The following AMPD3 variants were observed in gnomAD, a reference collection of about 807,000 sequenced individuals.
AMPD3 encodes the protein AMP deaminase 3.
Under a neutral mutation model 82.3 loss-of-function variants are expected in AMPD3, and 57 were observed. That is an observed-to-expected ratio of 0.69 (90% CI 0.56 to 0.86). AMPD3 has a LOEUF of 0.86. Ranked by LOEUF, AMPD3 falls within the 40% of genes least tolerant of loss-of-function variation. AMPD3 has a pLI of 0.00. For synonymous variants in AMPD3, 381 were observed against 394.7 expected (o/e 0.97, Z 0.41); for missense variants, 870 against 1,003.8 (o/e 0.87, Z 1.80).
intron 2 of AMPD3, among the ~76,000 whole-genome samples, chr11:10,473,222 A>ATCGT (rs1317654549): frequency 6.6e-6 from 1 of 152,192 alleles, no homozygotes; most frequent in African/African-American, 2.4e-5. Context: ...GTGAGCTGAG[A>ATCGT]TCGTACCCCT....
rs184660027 is a variant in AMPD3, at chr11:10,464,358, G to A, written c.221+2618G>A. 2.7e-3 allele frequency among the ~76,000 whole-genome samples: 417 copies of A among 152,320 alleles called. 2 individuals carry two copies. The highest frequency in any genetic ancestry group is 3.7e-3 in the Non-Finnish European group (253 of 68,028). On this transcript the variant is annotated intron_variant, in intron 2 of 14. Coordinates refer to ENST00000396553, the MANE Select transcript of AMPD3 (RefSeq NM_001025389.2). The stretch of plus-strand genomic sequence containing the variant: ...GCAGATTAGGGAACGAAGGCTCAGA[G>A]AAGTTGAATTTACTTTCACAAAGAC...
intron 11 of AMPD3, chr11:10,500,786 C>T (rs1849557251): frequency 2.0e-6 from 2 of 985,480 alleles, no homozygotes; most frequent in South Asian, 4.7e-5. Flanking sequence ...GCAGAGGCTC[C>T]TACCAATACG....
At chr11:10,502,173 C>T in intron 12 of AMPD3, 1 of 985,396 alleles carries the variant, frequency 1.0e-6, no homozygotes, top group Non-Finnish European at 1.2e-6. Flanking sequence ...CAAAATGCTC[C>T]CTTTCCCTGA....
In AMPD3 at chr11:10,484,932, C is replaced by T. The variant is rs987924771; in HGVS notation, c.702C>T (p.Asn234=). The T allele has an allele frequency of 1.1e-5, 17 of 1,614,010 alleles. No individual in the cohort carries two copies. Among genetic ancestry groups the T allele is most frequent in the Non-Finnish European group, 1.4e-5 (17 of 1,180,022 alleles). Residue 234 remains asparagine, a synonymous_variant, in exon 5 of 15, where the codon AAC becomes AAT. Transcript: ENST00000396553. ...GGGGCATCCTCTTTGTGTATGATAA[C>T]AAGAAGATGCTGGAGCACCAGGAGC... ...MQGGILFVYD[N]KKMLEHQEPH...
At chr11:10,477,458 G>C (rs1591458995) in intron 2 of AMPD3, among the ~76,000 whole-genome samples, 1 of 152,160 alleles carries the variant, frequency 6.6e-6, no homozygotes, top group East Asian at 1.9e-4. Context: ...TTAATGCTGG[G>C]TAATTTTTCT....
At position 10,500,072 on chromosome 11, in the gene AMPD3, C is replaced by T. The variant is rs759301174; in HGVS notation, c.1558-14C>T. ...TCCTGCCTTGGCCTGGTGCTCAGGA[C>T]CTCTCCTGCCCAGGTGACGGGGTTT... On this transcript the variant is annotated splice_polypyrimidine_tract_variant and intron_variant, in intron 10 of 14. Transcript: ENST00000396553. 1 of 1,614,148 alleles carries T rather than the reference C, an allele frequency of 6.2e-7. No homozygotes were observed. Among genetic ancestry groups the T allele is most frequent in the African/African-American group, 1.3e-5 (1 of 75,038 alleles).
At chr11:10,488,134 T>C (rs909350833) in intron 6 of AMPD3, 15 of 847,076 alleles carry the variant, frequency 1.8e-5, no homozygotes, top group Non-Finnish European at 1.8e-5. Context: ...ACCAAGGGGA[T>C]GGCAGCCTTG....
intron 6 of AMPD3, chr11:10,488,412 T>A: frequency 1.0e-6 from 1 of 985,276 alleles, no homozygotes; most frequent in Non-Finnish European, 1.2e-6. Flanking sequence ...ATGGAAGTGG[T>A]GGCATTCCAG....
chr11:10,481,504 G>A (rs1317467903), intron 3 of AMPD3: 1 of 985,276 alleles, frequency 1.0e-6, no homozygotes, highest in Non-Finnish European at 1.2e-6. Context: ...AACTCCTCCT[G>A]TGTCTCCTGT....
intron 3 of AMPD3, among the ~76,000 whole-genome samples, chr11:10,478,991 A>G (rs1848824509): frequency 6.6e-6 from 1 of 151,766 alleles, no homozygotes; most frequent in African/African-American, 2.4e-5. Context: ...TAAGTTCCAC[A>G]TGTTCTCTAA....
intron 8 of AMPD3, 62 bp from the exon 9 acceptor site, chr11:10,495,508 G>A: frequency 6.2e-7 from 1 of 1,611,380 alleles, no homozygotes; most frequent in Non-Finnish European, 8.5e-7. Flanking sequence ...TGGTGACGGA[G>A]AGTGAGAGTC....
intron 14 of AMPD3, 114 bp downstream of exon 14, chr11:10,504,773 G>GATGA: frequency 1.0e-6 from 1 of 999,772 alleles, no homozygotes; most frequent in Admixed American, 1.8e-5. Context: ...GGGCCTCTGA[G>GATGA]ACACTCAGGC....
chr11:10,502,105 T>A (rs1333955079), intron 12 of AMPD3: 5 of 985,330 alleles, frequency 5.1e-6, no homozygotes, highest in Non-Finnish European at 1.2e-6. Flanking sequence ...ACCCTTGAGC[T>A]CTGTGCATAC....
chr11:10,486,241 G>A (rs1017836299), intron 5 of AMPD3, among the ~76,000 whole-genome samples: 14 of 152,158 alleles, frequency 9.2e-5, no homozygotes, highest in South Asian at 2.1e-4. Context: ...CCTGTGCTCC[G>A]TCCACTCTGG....
chr11:10,498,004 C>T (rs1370273083), intron 10 of AMPD3, among the ~76,000 whole-genome samples: 1 of 152,218 alleles, frequency 6.6e-6, no homozygotes, highest in Non-Finnish European at 1.5e-5. Context: ...CTGCTAGCTT[C>T]AATTGACACA....
At chr11:10,488,468 AGAGAGTCG>A in intron 6 of AMPD3, 12 of 174,118 alleles carry the variant, frequency 6.9e-5, no homozygotes, top group Non-Finnish European at 8.3e-5. Context: ...GGATGGTATG[AGAGAGTCG>A]AGAGAGTCAG....
rs912495249 is a variant in AMPD3, at chr11:10,487,245, T to C, written c.820T>C (p.Cys274Arg). Reference sequence around the variant, plus strand: ...ATCTCCAACTTGCAGGAAAACCTATTGTCACCGGCGACTGAACTTTCTGGA... The same window carrying C: ...ATCTCCAACTTGCAGGAAAACCTATCGTCACCGGCGACTGAACTTTCTGGA... ...LITDGPTKTY[C>R]HRRLNFLESK... The change falls in exon 6 of 15, where the codon TGT (cysteine) becomes CGT (arginine). Residue 274 changes from cysteine (C) to arginine (R), a missense_variant. Cys to Arg is a radical substitution (Grantham distance 180). Transcript: ENST00000396553. 5.0e-6 allele frequency: 8 copies of C among 1,614,040 alleles called. No individual in the cohort carries two copies. Among genetic ancestry groups the C allele is most frequent in the Non-Finnish European group, 6.8e-6 (8 of 1,180,028 alleles).
chr11:10,468,136 C>T (rs981237890), intron 2 of AMPD3, among the ~76,000 whole-genome samples: 2 of 152,190 alleles, frequency 1.3e-5, no homozygotes, highest in East Asian at 1.9e-4. Context: ...CAGCTAGCAT[C>T]ATGATGACAG....
intron 6 of AMPD3, among the ~76,000 whole-genome samples, chr11:10,492,245 C>G (rs559111761): frequency 2.6e-5 from 4 of 152,348 alleles, no homozygotes; most frequent in Admixed American, 2.6e-4. Context: ...TCTAAGCTGA[C>G]TGTTCATTTC....
Sources: allele counts gnomAD v4.1 joint callset (sites outside exome capture counted in the v4.1 genomes callset), GRCh38; gene constraint gnomAD v4.1.1; transcripts MANE v1.5; gene names NCBI Gene and HGNC (gene_info 2026-07-23, HGNC 2026-07-21).